The following RPS6KC1 variants were observed in gnomAD, a reference collection of about 807,000 sequenced individuals.
RPS6KC1 encodes inactive ribosomal protein S6 kinase delta-1.
In RPS6KC1, 54 loss-of-function variants were observed where a neutral mutation model predicts 103.8. The ratio of observed to expected loss-of-function variants is 0.52; its 90% CI spans 0.42 to 0.65. The LOEUF is 0.65. Among genes scored for constraint, RPS6KC1 ranks in the 30% least tolerant of loss-of-function variants. RPS6KC1 has a pLI of 0.00. For synonymous variants in RPS6KC1, 439 were observed against 438.7 expected (o/e 1.00, Z -0.01); for missense variants, 1,151 against 1,253.8 (o/e 0.92, Z 1.24).
the RPS6KC1 span, among the ~76,000 whole-genome samples, chr1:213,424,964 C>G: frequency 1.3e-5 from 2 of 152,116 alleles, no homozygotes; most frequent in Non-Finnish European, 1.5e-5. Context: ...GAGGCTGAAG[C>G]CCACCCTCAC....
the RPS6KC1 span, among the ~76,000 whole-genome samples, chr1:213,853,550 A>G: frequency 6.6e-6 from 1 of 152,220 alleles, no homozygotes; most frequent in African/African-American, 2.4e-5. Context: ...AATGTAAGGC[A>G]TACTTCCCTT....
chr1:213,205,559 T>TATATATATATATATATAC (rs1318720959), intron 8 of RPS6KC1, among the ~76,000 whole-genome samples: 1 of 138,610 alleles, frequency 7.2e-6, no homozygotes, highest in Non-Finnish European at 1.6e-5. Context: ...TATATATATA[T>TATATATATATATATATAC]ATATATATTT....
chr1:213,327,889 A>G, the RPS6KC1 span, among the ~76,000 whole-genome samples: 1 of 152,088 alleles, frequency 6.6e-6, no homozygotes, highest in East Asian at 1.9e-4. Flanking sequence ...TCGTCTCATC[A>G]GTCATCTCCT....
chr1:213,483,693 G>T, the RPS6KC1 span, among the ~76,000 whole-genome samples: 1 of 152,136 alleles, frequency 6.6e-6, no homozygotes, highest in Non-Finnish European at 1.5e-5. Flanking sequence ...AAAGCTCCTG[G>T]CTCCTGTTAG....
At chr1:213,315,622 T>A in the RPS6KC1 span, among the ~76,000 whole-genome samples, 1 of 152,246 alleles carries the variant, frequency 6.6e-6, no homozygotes, top group African/African-American at 2.4e-5. Flanking sequence ...GCACCAATTT[T>A]CAGATCTATA....
the RPS6KC1 span, among the ~76,000 whole-genome samples, chr1:213,861,100 T>A: frequency 6.6e-6 from 1 of 152,182 alleles, no homozygotes; most frequent in African/African-American, 2.4e-5. Context: ...TGAGTCACCA[T>A]GCCCAGCTAA....
intron 3 of RPS6KC1, among the ~76,000 whole-genome samples, chr1:213,093,386 GT>G (rs1044855790): frequency 6.6e-6 from 1 of 151,300 alleles, no homozygotes; most frequent in African/African-American, 2.4e-5. Flanking sequence ...AATTTTTGTA[GT>G]TTAGTAGAGA....
the RPS6KC1 span, among the ~76,000 whole-genome samples, chr1:213,323,758 G>A: frequency 6.6e-6 from 1 of 152,108 alleles, no homozygotes; most frequent in African/African-American, 2.4e-5. Context: ...GGCAGGTACA[G>A]AGATTTTTCA....
At chr1:213,399,950 G>T in the RPS6KC1 span, among the ~76,000 whole-genome samples, 1 of 152,090 alleles carries the variant, frequency 6.6e-6, no homozygotes, top group African/African-American at 2.4e-5. Flanking sequence ...TTTTAGCGAA[G>T]AGATTCTGCT....
the RPS6KC1 span, among the ~76,000 whole-genome samples, chr1:213,335,928 C>T: frequency 6.6e-6 from 1 of 152,202 alleles, no homozygotes; most frequent in Admixed American, 6.5e-5. Context: ...GATTTTCAAA[C>T]TTCTTTTTAT....
the RPS6KC1 span, among the ~76,000 whole-genome samples, chr1:213,798,475 G>A: frequency 6.6e-6 from 1 of 152,186 alleles, no homozygotes; most frequent in African/African-American, 2.4e-5. Context: ...GGGGCTGGAG[G>A]CGGATAGGGT....
chr1:213,523,380 A>T, the RPS6KC1 span, among the ~76,000 whole-genome samples: 1 of 152,362 alleles, frequency 6.6e-6, no homozygotes, highest in Non-Finnish European at 1.5e-5. Flanking sequence ...TGACACAGAG[A>T]CATGAAATGA....
At chr1:213,289,044 G>C in the RPS6KC1 span, among the ~76,000 whole-genome samples, 1 of 152,028 alleles carries the variant, frequency 6.6e-6, no homozygotes. Flanking sequence ...GGCGATGCTG[G>C]TCTGTGAGCC....
chr1:213,212,052 A>G (rs922882291), intron 8 of RPS6KC1, among the ~76,000 whole-genome samples: 1 of 152,056 alleles, frequency 6.6e-6, no homozygotes, highest in Non-Finnish European at 1.5e-5. Context: ...TGGTACATTT[A>G]TTACAATTGA....
chr1:213,085,892 G>A (rs2080351937), intron 3 of RPS6KC1, among the ~76,000 whole-genome samples: 2 of 151,532 alleles, frequency 1.3e-5, no homozygotes, highest in Non-Finnish European at 2.9e-5. Context: ...TGGATTCTGT[G>A]TCCTTGTAAC....
At chr1:213,185,561 T>C (rs1486830915) in intron 8 of RPS6KC1, among the ~76,000 whole-genome samples, 1 of 151,872 alleles carries the variant, frequency 6.6e-6, no homozygotes, top group African/African-American at 2.4e-5. Context: ...GGCAGGAGAG[T>C]CACTTGAACC....
At chr1:213,838,641 A>C in the RPS6KC1 span, among the ~76,000 whole-genome samples, 14 of 152,282 alleles carry the variant, frequency 9.2e-5, no homozygotes, top group South Asian at 2.9e-3. Flanking sequence ...GTATCCTGTT[A>C]CTTGCAACCT....
chr1:213,606,004 A>C, the RPS6KC1 span, among the ~76,000 whole-genome samples: 5,405 of 152,284 alleles, frequency 0.035, 536 homozygotes, highest in East Asian at 0.21. Flanking sequence ...GATAATGAGA[A>C]ACGCTTCCTG....
At chr1:213,128,736 A>G (rs1170847262) in intron 5 of RPS6KC1, among the ~76,000 whole-genome samples, 2 of 152,188 alleles carry the variant, frequency 1.3e-5, no homozygotes, top group Non-Finnish European at 2.9e-5. Context: ...ACGGATGGTT[A>G]CCTAAAAGCA....
Sources: allele counts gnomAD v4.1 joint callset (sites outside exome capture counted in the v4.1 genomes callset), GRCh38; gene constraint gnomAD v4.1.1; transcripts MANE v1.5; gene names NCBI Gene and HGNC (gene_info 2026-07-23, HGNC 2026-07-21).